Variants in PPM1L observed in about 807,000 individuals in gnomAD.
PPM1L encodes protein phosphatase, Mg2+/Mn2+ dependent 1L.
A neutral mutation model predicts 31.4 loss-of-function variants in PPM1L; 13 were observed. The observed-to-expected ratio is 0.41, with a 90% CI of 0.27 to 0.66. The LOEUF is 0.66. PPM1L is among the 30% of genes least tolerant of loss of function. The probability of loss-of-function intolerance (pLI) is 0.29; values close to 1 mark genes in which losing one functional copy is unlikely to be tolerated. For missense variants in PPM1L, 326 were observed against 453.7 expected, an observed-to-expected ratio of 0.72 and a Z score of 2.56; for synonymous variants, 184 against 175.4, an observed-to-expected ratio of 1.05 and a Z score of -0.39.
In PPM1L at chr3:160,814,724, C is replaced by T. The variant is rs142657864; in HGVS notation, c.399+58017C>T. Reference sequence around the variant, plus strand: ...ATGTGTATATATATGTGTATGTATACGTGTATATATGTATATATGTGTATA... The same window carrying T: ...ATGTGTATATATATGTGTATGTATATGTGTATATATGTATATATGTGTATA... On this transcript the variant is annotated intron_variant, in intron 1 of 3. Coordinates refer to ENST00000498165, the MANE Select transcript of PPM1L (RefSeq NM_139245.4). 1.7e-3 allele frequency among the ~76,000 whole-genome samples: 207 copies of T among 119,848 alleles called. 1 individual carries two copies. The highest frequency in any genetic ancestry group is 7.5e-3 in the African/African-American group (196 of 26,230). The allele number at this position is 119,848 out of a possible 152,430, so 78.6% of individuals were successfully genotyped here.
At chr3:160,894,816 A>G (rs892692834) in intron 1 of PPM1L, among the ~76,000 whole-genome samples, 1 of 152,158 alleles carries the variant, frequency 6.6e-6, no homozygotes, top group South Asian at 2.1e-4. Flanking sequence ...CTTCAGCATA[A>G]TTTCCCATAA....
chr3:160,816,529 G>T (rs1238779937), intron 1 of PPM1L, among the ~76,000 whole-genome samples: 2 of 150,576 alleles, frequency 1.3e-5, no homozygotes, highest in Non-Finnish European at 3.0e-5. Flanking sequence ...AGACAAGATA[G>T]CCTTAGTTTG....
chr3:160,964,609 G>A (rs1716073437), intron 2 of PPM1L, among the ~76,000 whole-genome samples: 1 of 152,034 alleles, frequency 6.6e-6, no homozygotes. Context: ...TTCTAACTTA[G>A]TCTTTTCGTG....
At chr3:160,864,624 T>C (rs962010829) in intron 1 of PPM1L, among the ~76,000 whole-genome samples, 20 of 152,344 alleles carry the variant, frequency 1.3e-4, no homozygotes, top group Middle Eastern at 3.4e-3. Flanking sequence ...TTCACAGATA[T>C]GTTTTTGAGC....
intron 2 of PPM1L, among the ~76,000 whole-genome samples, chr3:161,003,160 G>A (rs1050509817): frequency 3.9e-5 from 6 of 151,958 alleles, no homozygotes; most frequent in Non-Finnish European, 7.4e-5. Context: ...GATAGGTGGC[G>A]TTATTTCTGA....
At chr3:160,845,544 G>A (rs1162251923) in intron 1 of PPM1L, among the ~76,000 whole-genome samples, 1 of 151,680 alleles carries the variant, frequency 6.6e-6, no homozygotes, top group African/African-American at 2.4e-5. Context: ...TTGGTCTCTT[G>A]TGTGCTGTTG....
At chr3:161,060,433 C>G (rs1719533754) in intron 2 of PPM1L, among the ~76,000 whole-genome samples, 1 of 152,160 alleles carries the variant, frequency 6.6e-6, no homozygotes, top group Non-Finnish European at 1.5e-5. Context: ...TGTTTCTCAC[C>G]TGGACTACTG....
chr3:161,049,734 G>A (rs1312920638), intron 2 of PPM1L, among the ~76,000 whole-genome samples: 1 of 152,116 alleles, frequency 6.6e-6, no homozygotes, highest in East Asian at 1.9e-4. Context: ...CATTGTAGCT[G>A]TTTAGTTAAT....
chr3:160,834,471 A>ATATGTGTG (rs1713632608), intron 1 of PPM1L, among the ~76,000 whole-genome samples: 2 of 138,968 alleles, frequency 1.4e-5, no homozygotes, highest in South Asian at 2.4e-4. Flanking sequence ...GTGTATGTGT[A>ATATGTGTG]TGTGTGTGTG....
chr3:160,759,645 T>A (rs781420649), intron 1 of PPM1L, among the ~76,000 whole-genome samples: 46 of 152,200 alleles, frequency 3.0e-4, no homozygotes, highest in Admixed American at 9.8e-4. Context: ...GATAGACCTC[T>A]ACACCAAAAA....
chr3:160,920,645 A>T (rs1407549230), intron 1 of PPM1L, among the ~76,000 whole-genome samples: 1 of 151,178 alleles, frequency 6.6e-6, no homozygotes, highest in South Asian at 2.1e-4. Context: ...ACACTCACAC[A>T]CACACACACA....
chr3:160,784,472 A>C (rs763136887), intron 1 of PPM1L, among the ~76,000 whole-genome samples: 4 of 151,418 alleles, frequency 2.6e-5, no homozygotes, highest in Non-Finnish European at 5.9e-5. Context: ...ATTAGATAGC[A>C]CTCACTGTTG....
At chr3:160,923,981 G>GT (rs1285724358) in intron 1 of PPM1L, among the ~76,000 whole-genome samples, 2 of 152,176 alleles carry the variant, frequency 1.3e-5, no homozygotes, top group Non-Finnish European at 1.5e-5. Context: ...ACCATCATCT[G>GT]TGTGCCCCCT....
At chr3:160,830,769 T>A (rs9809208) in intron 1 of PPM1L, among the ~76,000 whole-genome samples, 83,474 of 152,046 alleles carry the variant, frequency 0.55, 26,156 homozygotes, top group African/African-American at 0.87. Flanking sequence ...ATGTTTTCTC[T>A]TGCAATTTTA....
intron 1 of PPM1L, among the ~76,000 whole-genome samples, chr3:160,808,293 G>C (rs1712669562): frequency 1.5e-5 from 2 of 136,052 alleles, no homozygotes; most frequent in African/African-American, 6.4e-5. Flanking sequence ...TTTCCTCTGT[G>C]TGTGTGTGTG....
At chr3:161,049,092 C>A (rs866895498) in intron 2 of PPM1L, among the ~76,000 whole-genome samples, 1,950 of 141,658 alleles carry the variant, frequency 0.014, 35 homozygotes, top group African/African-American at 0.049. Context: ...AAAAAAAAAA[C>A]CACGGTGAGA....
chr3:160,954,274 C>T (rs1715664552), intron 1 of PPM1L, among the ~76,000 whole-genome samples: 1 of 152,020 alleles, frequency 6.6e-6, no homozygotes, highest in African/African-American at 2.4e-5. Context: ...AAAATCACCC[C>T]AATTTATATT....
intron 1 of PPM1L, among the ~76,000 whole-genome samples, chr3:160,913,542 C>T (rs1027224952): frequency 5.9e-5 from 9 of 152,072 alleles, no homozygotes; most frequent in Non-Finnish European, 1.0e-4. Context: ...TTCTTGTGCC[C>T]CTTCCCAGTT....
rs561325774 is a variant in PPM1L at position 160,935,901 on chromosome 3, C to T, written c.400-25835C>T. Among the ~76,000 whole-genome samples, 6 of 152,290 alleles carry T rather than the reference C, an allele frequency of 3.9e-5. No individual in the cohort carries two copies. The South Asian group carries it at 6.2e-4, about 16-fold the overall frequency. On this transcript the variant is annotated intron_variant, in intron 1 of 3. Transcript: ENST00000498165. ...AAGCTGGCAATCCCAGCTGCTGTGT[C>T]CTCAGCCACCATTGGTCTCTCAGGC...
Sources: allele counts gnomAD v4.1 joint callset (sites outside exome capture counted in the v4.1 genomes callset), GRCh38; gene constraint gnomAD v4.1.1; transcripts MANE v1.5; gene names NCBI Gene and HGNC (gene_info 2026-07-23, HGNC 2026-07-21).